Variants in CCDC34 observed in about 807,000 individuals in gnomAD.
CCDC34 encodes coiled-coil domain containing 34.
Under a neutral mutation model 44.1 loss-of-function variants are expected in CCDC34, and 40 were observed. The observed-to-expected ratio is 0.91, with a 90% CI of 0.70 to 1.18. The LOEUF (loss-of-function observed/expected upper bound fraction) is 1.18. Ranked by LOEUF, CCDC34 falls within the 50% of genes most tolerant of loss-of-function variation. The pLI is 0.00. For missense variants in CCDC34, 466 were observed against 452.3 expected, an observed-to-expected ratio of 1.03 and a Z score of -0.28; for synonymous variants, 159 against 158.2, an observed-to-expected ratio of 1.01 and a Z score of -0.04.
At chr11:27,349,974 C>CA (rs2133344128) in intron 3 of CCDC34, 1 of 1,121,530 alleles carries the variant, frequency 8.9e-7, no homozygotes, top group Admixed American at 4.8e-5. Context: ...CTGAATGAAA[C>CA]AGAGAAATGG....
intron 3 of CCDC34, among the ~76,000 whole-genome samples, chr11:27,346,791 T>C (rs1450834291): frequency 4.6e-5 from 7 of 152,140 alleles, no homozygotes; most frequent in African/African-American, 1.7e-4. Flanking sequence ...TGTGACTGTA[T>C]TTGGAGATTG....
intron 3 of CCDC34, among the ~76,000 whole-genome samples, chr11:27,347,474 C>T (rs1472473406): frequency 1.3e-5 from 2 of 152,072 alleles, no homozygotes; most frequent in Non-Finnish European, 2.9e-5. Flanking sequence ...TGTCCATCAA[C>T]TAGTGAACAG....
chr11:27,340,940 G>T, intron 4 of CCDC34, 103 bp from the exon 5 acceptor site: 1 of 968,930 alleles, frequency 1.0e-6, no homozygotes, highest in Non-Finnish European at 1.6e-6. Context: ...CTACCCCAAT[G>T]GCTTACTGGC....
intron 5 of CCDC34, among the ~76,000 whole-genome samples, chr11:27,339,709 A>T (rs1348720077): frequency 1.3e-5 from 2 of 152,262 alleles, no homozygotes; most frequent in African/African-American, 4.8e-5. Flanking sequence ...ATTTATAAAA[A>T]TGATATGAGC....
At chr11:27,345,132 C>T (rs1862415117) in intron 3 of CCDC34, among the ~76,000 whole-genome samples, 1 of 152,024 alleles carries the variant, frequency 6.6e-6, no homozygotes, top group Non-Finnish European at 1.5e-5. Context: ...ATTGGATATC[C>T]ACATGCAAAC....
chr11:27,361,484 C>T (rs376561251), intron 1 of CCDC34, among the ~76,000 whole-genome samples: 25 of 152,174 alleles, frequency 1.6e-4, no homozygotes, highest in Non-Finnish European at 3.4e-4. Flanking sequence ...CTGAAGAATA[C>T]CTACAAAGGC....
At position 27,363,140 on chromosome 11, in the gene CCDC34, A is replaced by G. The variant is rs753605739; in HGVS notation, c.55T>C (p.Ser19Pro). 3 of 1,537,744 alleles carry G rather than the reference A, an allele frequency of 2.0e-6. No individual in the cohort carries two copies. The highest frequency in any genetic ancestry group is 4.6e-5 in the East Asian group (2 of 43,896). ...PTFPSSYAGF[S>P]ADCRPRSRPS... is the part of the protein sequence containing the mutation. ...CGAGACCTGGGTCTGCAGTCAGCAGAGAAACCGGCGTAGGAAGAGGGAAAA... is the reference window on the plus strand; with the variant it reads ...CGAGACCTGGGTCTGCAGTCAGCAGGGAAACCGGCGTAGGAAGAGGGAAAA... The change falls in exon 1 of 6, where the codon TCT becomes CCT. Residue 19 changes from serine to proline, a missense_variant. By Grantham distance (74) the Ser-to-Pro change is moderately conservative (BLOSUM62 -1). Coordinates refer to ENST00000328697, the MANE Select transcript of CCDC34 (RefSeq NM_030771.2).
intron 3 of CCDC34, among the ~76,000 whole-genome samples, chr11:27,344,722 T>C (rs1253176960): frequency 6.6e-6 from 1 of 152,024 alleles, no homozygotes; most frequent in Non-Finnish European, 1.5e-5. Context: ...GTTTATAGAT[T>C]TAAAATTTGA....
At chr11:27,354,760 C>G (rs999128108) in intron 2 of CCDC34, among the ~76,000 whole-genome samples, 6 of 149,712 alleles carry the variant, frequency 4.0e-5, no homozygotes, top group African/African-American at 1.5e-4. Flanking sequence ...CCCAGCTACT[C>G]AGGAAGCTGA....
chr11:27,357,922 C>T (rs529781354), intron 1 of CCDC34, among the ~76,000 whole-genome samples: 5 of 152,278 alleles, frequency 3.3e-5, no homozygotes, highest in Non-Finnish European at 5.9e-5. Context: ...CAGACTCTTC[C>T]CTTTCCCGCC....
intron 1 of CCDC34, 44 bp downstream of exon 1, chr11:27,362,792 G>T (rs764885483): frequency 2.2e-4 from 345 of 1,589,756 alleles, no homozygotes; most frequent in Non-Finnish European, 2.8e-4. Flanking sequence ...AGGGTCTAAG[G>T]AATCTTGAAA....
At chr11:27,348,604 G>A (rs895350544) in intron 3 of CCDC34, among the ~76,000 whole-genome samples, 3 of 152,086 alleles carry the variant, frequency 2.0e-5, no homozygotes, top group Non-Finnish European at 2.9e-5. Context: ...CAGTGAATAT[G>A]ACTTAGAGAA....
intron 3 of CCDC34, among the ~76,000 whole-genome samples, chr11:27,347,388 A>C (rs1328238789): frequency 6.6e-6 from 1 of 152,342 alleles, no homozygotes; most frequent in South Asian, 2.1e-4. Flanking sequence ...AATGAAAACA[A>C]GTGTCCACAA....
At chr11:27,347,282 T>G (rs899278205) in intron 3 of CCDC34, among the ~76,000 whole-genome samples, 1 of 152,202 alleles carries the variant, frequency 6.6e-6, no homozygotes, top group Non-Finnish European at 1.5e-5. Context: ...AAATGGTACA[T>G]GTACTTTAGA....
intron 3 of CCDC34, among the ~76,000 whole-genome samples, chr11:27,343,927 T>G (rs904450716): frequency 3.3e-5 from 5 of 152,202 alleles, no homozygotes; most frequent in Non-Finnish European, 5.9e-5. Flanking sequence ...ACCAATTTTA[T>G]GCCAATAAAT....
intron 2 of CCDC34, among the ~76,000 whole-genome samples, chr11:27,351,613 T>G (rs1018000483): frequency 1.3e-5 from 2 of 152,216 alleles, no homozygotes; most frequent in Admixed American, 1.3e-4. Flanking sequence ...ACACCTACTA[T>G]GGACCTAGCA....
chr11:27,353,056 G>T (rs1862525173), intron 2 of CCDC34, among the ~76,000 whole-genome samples: 1 of 152,168 alleles, frequency 6.6e-6, no homozygotes, highest in South Asian at 2.1e-4. Flanking sequence ...ATTTCAACAG[G>T]ATTACAGATA....
rs1565057073 is a variant in CCDC34 at position 27,340,773 on chromosome 11, T to C, written c.830A>G (p.Gln277Arg). The C allele has an allele frequency of 6.2e-7, 1 of 1,613,920 alleles. No homozygotes were observed. Among genetic ancestry groups the C allele is most frequent in the African/African-American group, 1.3e-5 (1 of 75,052 alleles). Residue 277 changes from glutamine (Q) to arginine (R), a missense_variant, in exon 5 of 6, where the codon CAA (glutamine) becomes CGA (arginine). By Grantham distance (43) the Gln-to-Arg change is conservative. Coordinates refer to ENST00000328697, the MANE Select transcript of CCDC34 (RefSeq NM_030771.2). ...EKKEIAEKKF[Q>R]EWLENAKHKP... ...ATGTTTCGCATTTTCCAACCATTCT[T>C]GAAACTTTTTTTCTGCTATTTCCTT...
Position 27,341,447 on chromosome 11 carries a change from T to C in CCDC34, c.710A>G (p.Gln237Arg). ...YLQEKAKEKY[Q>R]EWLKKKNAEE... is the part of the protein sequence containing the mutation. ...AGCATTTTTTTTCTTTAACCATTCT[T>C]GATATTTTTCTTTTGCTTTTTCTTG... is the stretch of plus-strand genomic sequence containing the variant. The change falls in exon 4 of 6, where the codon CAA becomes CGA. Residue 237 changes from glutamine to arginine, a missense_variant. Gln to Arg is a conservative substitution (Grantham distance 43). Coordinates refer to ENST00000328697, the MANE Select transcript of CCDC34 (RefSeq NM_030771.2). The C allele has an allele frequency of 6.8e-7, 1 of 1,467,598 alleles. No homozygotes were observed. The highest frequency in any genetic ancestry group is 9.2e-7 in the Non-Finnish European group (1 of 1,084,584). 90.9% of individuals were successfully genotyped at this position (1,467,598 alleles called of 1,614,324 possible). A position where few individuals can be genotyped will look rare whatever the true frequency, so the allele number is the denominator to read the frequency against.
Sources: allele counts gnomAD v4.1 joint callset (sites outside exome capture counted in the v4.1 genomes callset), GRCh38; gene constraint gnomAD v4.1.1; transcripts MANE v1.5; gene names NCBI Gene and HGNC (gene_info 2026-07-23, HGNC 2026-07-21).